The following SH3RF3 variants were observed in gnomAD, a reference collection of about 807,000 sequenced individuals.
SH3RF3 encodes the protein E3 ubiquitin-protein ligase SH3RF3.
SH3RF3 carries 29 observed loss-of-function variants against 66.3 expected under a neutral mutation model. The ratio of observed to expected loss-of-function variants is 0.44; its 90% CI spans 0.33 to 0.60. SH3RF3 has a LOEUF of 0.60. Ranked by LOEUF, SH3RF3 falls within the 20% of genes least tolerant of loss-of-function variation. SH3RF3 has a pLI of 0.04. For synonymous variants in SH3RF3, 583 were observed against 532.0 expected (o/e 1.10, Z -1.32); for missense variants, 1,194 against 1,190.9 (o/e 1.00, Z -0.04).
At chr2:109,315,099 A>G (rs1681843004) in intron 1 of SH3RF3, among the ~76,000 whole-genome samples, 1 of 152,248 alleles carries the variant, frequency 6.6e-6, no homozygotes, top group East Asian at 1.9e-4. Context: ...TCCACTGGAC[A>G]GCACTGCTCC....
intron 2 of SH3RF3, among the ~76,000 whole-genome samples, chr2:109,357,554 G>T (rs550824724): frequency 3.3e-5 from 5 of 152,176 alleles, no homozygotes; most frequent in African/African-American, 1.2e-4. Flanking sequence ...TTACCAGCCC[G>T]CCCTTCCCGC....
chr2:109,400,371 C>T (rs900334060), intron 4 of SH3RF3, among the ~76,000 whole-genome samples: 4 of 152,174 alleles, frequency 2.6e-5, no homozygotes, highest in African/African-American at 9.7e-5. Context: ...CATCCACATG[C>T]ACACCTACAC....
intron 1 of SH3RF3, among the ~76,000 whole-genome samples, chr2:109,155,879 C>G (rs182489350): frequency 3.9e-5 from 6 of 152,334 alleles, no homozygotes; most frequent in Admixed American, 3.3e-4. Flanking sequence ...TGGTAGCTGT[C>G]TTTCCAAGAT....
intron 1 of SH3RF3, among the ~76,000 whole-genome samples, chr2:109,341,237 T>C (rs1402099490): frequency 1.3e-5 from 2 of 152,190 alleles, no homozygotes; most frequent in East Asian, 1.9e-4. Context: ...AATATAATTA[T>C]CTGTAAAACA....
chr2:109,150,632 C>T (rs189208974), intron 1 of SH3RF3, among the ~76,000 whole-genome samples: 113 of 152,120 alleles, frequency 7.4e-4, no homozygotes, highest in African/African-American at 2.5e-3. Context: ...GCTGGTGAAT[C>T]GTGGAGCTGG....
Position 109,129,534 on chromosome 2 carries a change from C to T in SH3RF3, c.-7C>T. On this transcript the variant is annotated 5_prime_UTR_variant, in exon 1 of 10. Coordinates refer to ENST00000309415, the MANE Select transcript of SH3RF3 (RefSeq NM_001099289.3). The stretch of plus-strand genomic sequence containing the variant: ...AGCCGCGCGAGACCGCTGCGGGCGC[C>T]TCCCCCATGCTGCTCGGAGCGTCCT... The T allele has an allele frequency of 1.3e-6, 2 of 1,496,040 alleles. No homozygotes were observed. The highest frequency in any genetic ancestry group is 1.8e-6 in the Non-Finnish European group (2 of 1,129,396). 92.7% of individuals were successfully genotyped at this position (1,496,040 alleles called of 1,614,324 possible). A position where few individuals can be genotyped will look rare whatever the true frequency, so the allele number is the denominator to read the frequency against.
intron 2 of SH3RF3, among the ~76,000 whole-genome samples, chr2:109,369,758 G>A (rs147831284): frequency 6.6e-6 from 1 of 152,286 alleles, no homozygotes; most frequent in East Asian, 1.9e-4. Flanking sequence ...GATCAATGCT[G>A]CCTCAACTCG....
chr2:109,296,792 C>T (rs1286560801), intron 1 of SH3RF3, among the ~76,000 whole-genome samples: 3 of 152,126 alleles, frequency 2.0e-5, no homozygotes, highest in Non-Finnish European at 4.4e-5. Context: ...AGGCAGTGGT[C>T]AGCTGGGGAC....
intron 8 of SH3RF3, among the ~76,000 whole-genome samples, chr2:109,475,348 C>T (rs943967233): frequency 2.0e-5 from 3 of 152,258 alleles, no homozygotes; most frequent in Admixed American, 2.0e-4. Flanking sequence ...ATTTCTCCAC[C>T]TCCTCATGCT....
intron 5 of SH3RF3, among the ~76,000 whole-genome samples, chr2:109,430,196 T>C (rs374532493): frequency 6.6e-6 from 1 of 152,226 alleles, no homozygotes; most frequent in Non-Finnish European, 1.5e-5. Context: ...CTGTTGCCCA[T>C]GGCCAGGAGC....
At chr2:109,219,318 T>A (rs535345832) in intron 1 of SH3RF3, among the ~76,000 whole-genome samples, 4 of 152,236 alleles carry the variant, frequency 2.6e-5, no homozygotes, top group Non-Finnish European at 4.4e-5. Flanking sequence ...TACATAAGGT[T>A]TCTACTTCTT....
intron 4 of SH3RF3, among the ~76,000 whole-genome samples, chr2:109,418,935 G>C (rs1676797094): frequency 6.6e-6 from 1 of 152,000 alleles, no homozygotes. Flanking sequence ...TCCTCCCTCG[G>C]CCCCCCCACT....
At chr2:109,264,065 G>T (rs1680423443) in intron 1 of SH3RF3, among the ~76,000 whole-genome samples, 1 of 152,242 alleles carries the variant, frequency 6.6e-6, no homozygotes, top group South Asian at 2.1e-4. Context: ...GGCTGTTCCA[G>T]CTCCTCCCTG....
At chr2:109,137,530 A>AT (rs1393041960) in intron 1 of SH3RF3, among the ~76,000 whole-genome samples, 1 of 152,230 alleles carries the variant, frequency 6.6e-6, no homozygotes, top group Non-Finnish European at 1.5e-5. Context: ...TTTTCTGAAG[A>AT]TTCTTTTAAT....
intron 8 of SH3RF3, among the ~76,000 whole-genome samples, chr2:109,461,280 T>C (rs934820913): frequency 1.3e-5 from 2 of 152,220 alleles, no homozygotes; most frequent in African/African-American, 4.8e-5. Flanking sequence ...TGGTCAAGCA[T>C]TTAGTCTCTA....
chr2:109,153,483 C>T (rs1340630477), intron 1 of SH3RF3, among the ~76,000 whole-genome samples: 3 of 152,172 alleles, frequency 2.0e-5, no homozygotes, highest in African/African-American at 7.2e-5. Context: ...ATAACTGAAA[C>T]TTGCCAGGAG....
At position 109,291,276 on chromosome 2, in the gene SH3RF3, ATC is replaced by A. The variant is rs1232300987; in HGVS notation, c.574-56394_574-56393del. On this transcript the variant is annotated intron_variant, in intron 1 of 9. Transcript: ENST00000309415. ...TGTTGGGAGAAAAAGAAACAGAGTA[ATC>A]TCTTTTTTTTTTTTTTTTTGCATTA... Among the ~76,000 whole-genome samples the A allele has an allele frequency of 1.1e-4, 16 of 142,652 alleles. No homozygotes were observed. The Admixed American group carries it at 1.2e-3, about 11-fold the overall frequency. 93.6% of individuals were successfully genotyped at this position (142,652 alleles called of 152,430 possible). A position where few individuals can be genotyped will look rare whatever the true frequency, so the allele number is the denominator to read the frequency against.
rs190735212 is a variant in SH3RF3 at position 109,241,668 on chromosome 2, C to T, written c.574-106006C>T. ...TCCCCGCCTCGCCATGGTGAGGGTTCGGCAGTTCTCTCCCCCAGTCCCTGC... is the reference window on the plus strand; with the variant it reads ...TCCCCGCCTCGCCATGGTGAGGGTTTGGCAGTTCTCTCCCCCAGTCCCTGC... On this transcript the variant is annotated intron_variant, in intron 1 of 9. Transcript: ENST00000309415. Among the ~76,000 whole-genome samples, 54 of 152,192 alleles carry T rather than the reference C, an allele frequency of 3.5e-4. 2 individuals are homozygous for T. The East Asian group carries it at 9.7e-3, about 27-fold the overall frequency.
chr2:109,207,480 T>C (rs773386916), intron 1 of SH3RF3, among the ~76,000 whole-genome samples: 6 of 152,254 alleles, frequency 3.9e-5, no homozygotes, highest in Non-Finnish European at 5.9e-5. Flanking sequence ...AATAATGTTA[T>C]GCAGCAGAAC....
Sources: gnomAD v4.1 joint callset for allele counts (sites outside exome capture counted in the v4.1 genomes callset) on GRCh38, gnomAD v4.1.1 for gene constraint, MANE v1.5 for transcripts, NCBI Gene and HGNC (gene_info 2026-07-23, HGNC 2026-07-21) for gene names.